Variants in ABCG1 observed in about 807,000 individuals in gnomAD.
ABCG1 encodes the protein ATP-binding cassette sub-family G member 1.
A neutral mutation model predicts 69.2 loss-of-function variants in ABCG1; 29 were observed. That is an observed-to-expected ratio of 0.42 (90% confidence interval 0.31 to 0.57). The LOEUF (loss-of-function observed/expected upper bound fraction) is 0.57, where lower values mean the gene tolerates loss of function less well. Among genes scored for constraint, ABCG1 ranks in the 20% least tolerant of loss-of-function variants. The pLI is 0.15. For missense variants in ABCG1, 718 were observed against 898.1 expected, an observed-to-expected ratio of 0.80 and a Z score of 2.56; for synonymous variants, 370 against 374.8, an observed-to-expected ratio of 0.99 and a Z score of 0.15.
chr21:42,244,252 G>A (rs1275627527), intron 2 of ABCG1, among the ~76,000 whole-genome samples: 2 of 152,186 alleles, frequency 1.3e-5, no homozygotes, highest in Non-Finnish European at 2.9e-5. Context: ...GAGTGGACAT[G>A]GGAGCTCACA....
chr21:42,257,710 T>C (rs1308699294), intron 2 of ABCG1, among the ~76,000 whole-genome samples: 1 of 152,204 alleles, frequency 6.6e-6, no homozygotes, highest in African/African-American at 2.4e-5. Flanking sequence ...CAAAGAAGAA[T>C]GTCATACTTG....
At chr21:42,207,077 T>G (rs757037541) in intron 2 of ABCG1, 2 of 152,184 alleles carry the variant, frequency 1.3e-5, no homozygotes, top group Non-Finnish European at 2.9e-5. Context: ...TGGTATAGTT[T>G]TATTTGGGTT....
In ABCG1 at chr21:42,288,367, A is replaced by G. The variant is rs893517748; in HGVS notation, c.1224+55A>G. 42 of 1,321,556 alleles carry G rather than the reference A, an allele frequency of 3.2e-5. No homozygotes were observed. The highest frequency in any genetic ancestry group is 4.3e-5 in the Non-Finnish European group (40 of 919,776). The allele number at this position is 1,321,556 out of a possible 1,614,324, so 81.9% of individuals were successfully genotyped here. On this transcript the variant is annotated intron_variant, in intron 10 of 14. Coordinates refer to ENST00000398449, the MANE Select transcript of ABCG1 (RefSeq NM_016818.3). This position sits in a 1 kb window ranked among gnomAD's most constrained non-coding sequence, Gnocchi z 4.8. The stretch of plus-strand genomic sequence containing the variant: ...TGGGGAACCCGTGGGTCATTTTCTC[A>G]GACTCGTCCTGACGGAATGTGTTCG...
intron 10 of ABCG1, among the ~76,000 whole-genome samples, 186 bp from the exon 11 acceptor site, chr21:42,289,864 G>A (rs1006685334): frequency 3.9e-5 from 6 of 152,090 alleles, no homozygotes; most frequent in Middle Eastern, 3.4e-3. Context: ...GTGTGTGTGA[G>A]TGTGTGTGTG....
At chr21:42,220,151 T>A in intron 1 of ABCG1, 1 of 1,002,978 alleles carries the variant, frequency 1.0e-6, no homozygotes, top group Non-Finnish European at 1.5e-6. Context: ...CCACCTCACC[T>A]TATCCTAGCG....
At chr21:42,225,939 A>G (rs773673576) in intron 2 of ABCG1, 25 bp downstream of exon 2, 4 of 1,605,832 alleles carry the variant, frequency 2.5e-6, no homozygotes, top group South Asian at 2.2e-5. Context: ...TGCTTTGTGT[A>G]TCAAGCTGGG....
At position 42,273,026 on chromosome 21, in the gene ABCG1, C is replaced by T. The variant is rs563333925; in HGVS notation, c.405-277C>T. 1.3e-5 allele frequency among the ~76,000 whole-genome samples: 2 copies of T among 152,250 alleles called. No homozygotes were observed. Among genetic ancestry groups the T allele is most frequent in the Non-Finnish European group, 1.5e-5 (1 of 68,036 alleles). ...CTTTGTTTGGCAGGTCAAGAAAGTG[C>T]TGCCGTTACCCTTAGTATAAACACA... On this transcript the variant is annotated intron_variant, in intron 3 of 14. Coordinates refer to ENST00000398449, the MANE Select transcript of ABCG1 (RefSeq NM_016818.3). The surrounding 1 kb of genome is among the most constrained non-coding windows in gnomAD (Gnocchi z 5.3).
rs1476625492 is a variant in ABCG1 at position 42,266,095 on chromosome 21, A to G, written c.287-4975A>G. On this transcript the variant is annotated intron_variant, in intron 2 of 14. Transcript: ENST00000398449. ...CGTGGGCGGATCACGAGGTCAGGAGATTGAGACCATCCTGGCTAACACAGT... is the reference window on the plus strand; with the variant it reads ...CGTGGGCGGATCACGAGGTCAGGAGGTTGAGACCATCCTGGCTAACACAGT... 4.6e-5 allele frequency among the ~76,000 whole-genome samples: 7 copies of G among 152,172 alleles called. No homozygotes were observed. The East Asian group carries it at 1.4e-3, about 29-fold the overall frequency.
intron 2 of ABCG1, among the ~76,000 whole-genome samples, chr21:42,210,959 C>CTTTT (rs1555945834): frequency 7.3e-6 from 1 of 137,380 alleles, no homozygotes; most frequent in Non-Finnish European, 1.6e-5. Context: ...TTTCTTTCTT[C>CTTTT]TTTTTTTTTT....
rs567548003 is a variant in ABCG1 at position 42,271,820 on chromosome 21, G to T, written c.404+633G>T. On this transcript the variant is annotated intron_variant, in intron 3 of 14. Transcript: ENST00000398449. ...AATCATTTGAACCCAGGAGGCAGAGGTTGCAGTGAGCTGAGATCACACCAC... is the reference window on the plus strand; with the variant it reads ...AATCATTTGAACCCAGGAGGCAGAGTTTGCAGTGAGCTGAGATCACACCAC... Among the ~76,000 whole-genome samples the T allele has an allele frequency of 2.0e-5, 3 of 152,290 alleles. No homozygotes were observed. The South Asian group carries it at 6.2e-4, about 32-fold the overall frequency.
At chr21:42,238,998 T>C (rs2068014555) in intron 2 of ABCG1, among the ~76,000 whole-genome samples, 1 of 152,250 alleles carries the variant, frequency 6.6e-6, no homozygotes, top group Non-Finnish European at 1.5e-5. Context: ...AATTAATATG[T>C]AACAAGGAGG....
upstream of ABCG1, among the ~76,000 whole-genome samples, chr21:42,213,662 C>T (rs942149836): frequency 1.2e-4 from 18 of 152,240 alleles, no homozygotes; most frequent in Non-Finnish European, 2.5e-4. Flanking sequence ...GAGGTGCCAC[C>T]CAGAGCCCTG....
rs749716010 is a variant in ABCG1 at position 42,291,494 on chromosome 21, C to A, written c.1495-4C>A. The A allele has an allele frequency of 6.2e-6, 10 of 1,605,066 alleles. No individual in the cohort carries two copies. The South Asian group carries it at 1.1e-4, about 18-fold the overall frequency. ...GCCCGCGGCTGACGGGTCCTTGTTT[C>A]CAGATCATGTTCCCAGTGGCCTACT... On this transcript the variant is annotated splice_polypyrimidine_tract_variant and splice_region_variant and intron_variant, in intron 12 of 14. Transcript: ENST00000398449. This position sits in a 1 kb window ranked among gnomAD's most constrained non-coding sequence, Gnocchi z 6.4.
At chr21:42,218,847 G>A (rs2067672313), upstream of ABCG1, among the ~76,000 whole-genome samples, 1 of 152,212 alleles carries the variant, frequency 6.6e-6, no homozygotes, top group Admixed American at 6.5e-5. Flanking sequence ...TCCGAGCCTG[G>A]GAACCCCGGC....
chr21:42,292,631 A>C (rs377456075), intron 13 of ABCG1, among the ~76,000 whole-genome samples: 4,844 of 149,070 alleles, frequency 0.032, 82 homozygotes, highest in Middle Eastern at 0.086. Flanking sequence ...CTACACACAT[A>C]CCACACTACA....
At chr21:42,280,928 C>T (rs919224144) in intron 5 of ABCG1, among the ~76,000 whole-genome samples, 11 of 152,242 alleles carry the variant, frequency 7.2e-5, no homozygotes, top group African/African-American at 2.7e-4. Flanking sequence ...TCCAGACAGC[C>T]TTCCAGAAGC....
chr21:42,230,346 A>G (rs170444), intron 2 of ABCG1, among the ~76,000 whole-genome samples: 151,875 of 152,350 alleles, frequency 1, 75,711 homozygotes, highest in African/African-American at 1. Context: ...CCCCGGCCTC[A>G]GATACAGTAA....
rs2069227576 is a variant in ABCG1 at position 42,297,154 on chromosome 21, T to A, written c.*762T>A. 6.6e-6 allele frequency: 1 copy of A among 152,186 alleles called. No individual in the cohort carries two copies. The highest frequency in any genetic ancestry group is 6.5e-5 in the Admixed American group (1 of 15,276). 9.4% of individuals were successfully genotyped at this position (152,186 alleles called of 1,614,324 possible). ...ACATTTTTAAAAGCTATACAAAAAATTGTGAGAAGACATTGGCCAACTCTT... is the reference window on the plus strand; with the variant it reads ...ACATTTTTAAAAGCTATACAAAAAAATGTGAGAAGACATTGGCCAACTCTT... On this transcript the variant is annotated 3_prime_UTR_variant, in exon 15 of 15. Coordinates refer to ENST00000398449, the MANE Select transcript of ABCG1 (RefSeq NM_016818.3).
intron 2 of ABCG1, among the ~76,000 whole-genome samples, chr21:42,239,621 G>C (rs1315818336): frequency 1.3e-5 from 2 of 152,186 alleles, no homozygotes; most frequent in Non-Finnish European, 2.9e-5. Context: ...CCTGGTCCGG[G>C]GTCACAGGGC....
Sources: gnomAD v4.1 joint callset for allele counts (sites outside exome capture counted in the v4.1 genomes callset) on GRCh38, gnomAD v4.1.1 for gene constraint, Gnocchi (gnomAD v3.1) non-coding constraint, MANE v1.5 for transcripts, NCBI Gene and HGNC (gene_info 2026-07-23, HGNC 2026-07-21) for gene names.